Variants in FHIT observed in about 807,000 individuals in gnomAD.
FHIT encodes bis(5'-adenosyl)-triphosphatase.
In FHIT, 19 loss-of-function variants were observed where a neutral mutation model predicts 17.9. That is an observed-to-expected ratio of 1.06 (90% CI 0.74 to 1.56). The LOEUF (loss-of-function observed/expected upper bound fraction) is 1.56, where lower values mean the gene tolerates loss of function less well. Among genes scored for constraint, FHIT ranks in the 40% most tolerant of loss-of-function variants. The probability of loss-of-function intolerance (pLI) is 0.00; values close to 1 mark genes in which losing one functional copy is unlikely to be tolerated. For missense variants in FHIT, 248 were observed against 189.2 expected (o/e 1.31, Z -1.82); for synonymous variants, 81 against 69.7 (o/e 1.16, Z -0.81).
chr3:60,072,006 C>T (rs1702794981), intron 5 of FHIT, among the ~76,000 whole-genome samples: 1 of 152,178 alleles, frequency 6.6e-6, no homozygotes, highest in African/African-American at 2.4e-5. Flanking sequence ...GTCCGTTAAA[C>T]CTCTTCCCTT....
chr3:61,068,494 G>A (rs1436487632), intron 2 of FHIT, among the ~76,000 whole-genome samples: 2 of 152,094 alleles, frequency 1.3e-5, no homozygotes, highest in Non-Finnish European at 2.9e-5. Context: ...GCCTGAAAAG[G>A]TTCTCTGATT....
chr3:59,844,044 A>G (rs892134791), intron 8 of FHIT, among the ~76,000 whole-genome samples: 2 of 152,088 alleles, frequency 1.3e-5, no homozygotes, highest in Non-Finnish European at 2.9e-5. Context: ...CGCTCTGGCC[A>G]TGTGACATGC....
chr3:60,284,703 C>T (rs1181349052), intron 5 of FHIT, among the ~76,000 whole-genome samples: 1 of 152,018 alleles, frequency 6.6e-6, no homozygotes, highest in African/African-American at 2.4e-5. Context: ...AACGCATGGA[C>T]TTTTTAAAGA....
At chr3:60,529,410 G>A (rs1289499381) in intron 5 of FHIT, among the ~76,000 whole-genome samples, 1 of 152,084 alleles carries the variant, frequency 6.6e-6, no homozygotes. Flanking sequence ...ATATGTGCAT[G>A]AAATATAAAA....
At chr3:60,926,201 T>A (rs1347840611) in intron 3 of FHIT, among the ~76,000 whole-genome samples, 1 of 152,162 alleles carries the variant, frequency 6.6e-6, no homozygotes. Flanking sequence ...CTGCACCAAG[T>A]GGACCTAACA....
At position 61,194,165 on chromosome 3, in the gene FHIT, A is replaced by C. The variant is rs2038791989; in HGVS notation, c.-164+6452T>G. ...GCCTCTATGGAATGAGGATCTTCAA[A>C]GGAGAAGGAAGAGAGTGACTTTTCT... On this transcript the variant is annotated intron_variant, in intron 2 of 9. Coordinates refer to ENST00000492590, the MANE Select transcript of FHIT (RefSeq NM_002012.4). 5.9e-5 allele frequency among the ~76,000 whole-genome samples: 9 copies of C among 152,248 alleles called. No homozygotes were observed. The South Asian group carries it at 1.9e-3, about 32-fold the overall frequency.
At chr3:60,318,043 C>T (rs759929743) in intron 5 of FHIT, among the ~76,000 whole-genome samples, 1 of 152,012 alleles carries the variant, frequency 6.6e-6, no homozygotes. Flanking sequence ...CCACCTGCCT[C>T]GGCCTCCCAA....
chr3:60,624,994 C>T (rs994356855), intron 4 of FHIT, among the ~76,000 whole-genome samples: 3 of 152,040 alleles, frequency 2.0e-5, no homozygotes, highest in South Asian at 2.1e-4. Context: ...CTGCAATCTC[C>T]GCCTCTCAGG....
At chr3:60,276,282 G>A (rs374641308) in intron 5 of FHIT, among the ~76,000 whole-genome samples, 23 of 152,090 alleles carry the variant, frequency 1.5e-4, no homozygotes, top group Non-Finnish European at 3.4e-4. Context: ...CACTGCACCC[G>A]GCCTGTTTTT....
chr3:59,887,596 C>T (rs955864692), intron 8 of FHIT, among the ~76,000 whole-genome samples: 1 of 152,188 alleles, frequency 6.6e-6, no homozygotes, highest in Non-Finnish European at 1.5e-5. Context: ...ATCTTCATAT[C>T]TGGGCAGTAA....
intron 3 of FHIT, among the ~76,000 whole-genome samples, chr3:61,016,105 A>C (rs2107634997): frequency 6.6e-6 from 1 of 152,322 alleles, no homozygotes; most frequent in East Asian, 1.9e-4. Flanking sequence ...TGTTTTCATA[A>C]AAGTTGTAAA....
In FHIT at chr3:60,007,312, C is replaced by T. The variant is rs148603993; in HGVS notation, c.279+4059G>A. ...TGGAACATGATTTGAGAACTTGATT[C>T]GTGGAAATTTTAGTCTTCGTTAGTA... On this transcript the variant is annotated intron_variant, in intron 7 of 9. Transcript: ENST00000492590. 4.0e-4 allele frequency among the ~76,000 whole-genome samples: 61 copies of T among 152,224 alleles called. 2 individuals are homozygous for T. Among genetic ancestry groups the T allele is most frequent in the African/African-American group, 1.3e-3 (53 of 41,540 alleles).
intron 4 of FHIT, among the ~76,000 whole-genome samples, chr3:60,558,877 CTT>C (rs1259956824): frequency 6.6e-6 from 1 of 152,206 alleles, no homozygotes; most frequent in East Asian, 1.9e-4. Context: ...CCCAGGGAAA[CTT>C]TTCATGGCAG....
intron 1 of FHIT, among the ~76,000 whole-genome samples, chr3:61,221,061 C>T (rs551945627): frequency 6.6e-6 from 1 of 152,170 alleles, no homozygotes; most frequent in African/African-American, 2.4e-5. Flanking sequence ...TCTGAAAATT[C>T]ATAGAGTCAC....
At chr3:59,897,579 T>C (rs1486678713) in intron 8 of FHIT, among the ~76,000 whole-genome samples, 2 of 152,190 alleles carry the variant, frequency 1.3e-5, no homozygotes, top group Non-Finnish European at 2.9e-5. Context: ...TAAATACTTG[T>C]TGGATGCTCA....
At chr3:60,371,799 G>T (rs910569587) in intron 5 of FHIT, among the ~76,000 whole-genome samples, 12 of 150,716 alleles carry the variant, frequency 8.0e-5, no homozygotes, top group Non-Finnish European at 1.5e-4. Context: ...AGCAATGATT[G>T]ATTATTTGAG....
intron 1 of FHIT, among the ~76,000 whole-genome samples, chr3:61,250,205 C>A (rs1338539152): frequency 6.6e-6 from 1 of 152,194 alleles, no homozygotes; most frequent in Non-Finnish European, 1.5e-5. Flanking sequence ...CGACGAGAAA[C>A]AAGAGGCGGG....
chr3:60,635,263 G>A (rs542992988), intron 4 of FHIT, among the ~76,000 whole-genome samples: 49 of 125,854 alleles, frequency 3.9e-4, no homozygotes, highest in South Asian at 1.2e-3. Flanking sequence ...GATTACTCCA[G>A]GTTCTTTAAA....
At position 59,954,605 on chromosome 3, in the gene FHIT, G is replaced by A. The variant is rs541981296; in HGVS notation, c.280-32191C>T. ...GGCCCTCCAGGTGGAGGAACAGCCT[G>A]AGTAAATGCCTAGAAAGGAATGGCA... On this transcript the variant is annotated intron_variant, in intron 7 of 9. Transcript: ENST00000492590. Among the ~76,000 whole-genome samples the A allele has an allele frequency of 3.3e-5, 5 of 152,322 alleles. No homozygotes were observed. In the South Asian group the frequency reaches 1.0e-3, roughly 32 times the overall value.
Sources: allele counts gnomAD v4.1 joint callset (sites outside exome capture counted in the v4.1 genomes callset), GRCh38; gene constraint gnomAD v4.1.1; transcripts MANE v1.5; gene names NCBI Gene and HGNC (gene_info 2026-07-23, HGNC 2026-07-21).